CACNA2D1: variants seen among roughly 807,000 people sequenced by gnomAD.
CACNA2D1 encodes calcium voltage-gated channel auxiliary subunit alpha2delta 1.
A neutral mutation model predicts 171.5 loss-of-function variants in CACNA2D1; 53 were observed. That is an observed-to-expected ratio of 0.31 (90% CI 0.25 to 0.39). The LOEUF is 0.39. CACNA2D1 is among the 10% of genes least tolerant of loss of function. The pLI, the probability that CACNA2D1 is intolerant of heterozygous loss-of-function variation, is 1.00. For missense variants in CACNA2D1, 903 were observed against 1,299.8 expected (o/e 0.69, Z 4.69); for synonymous variants, 442 against 443.1 (o/e 1.00, Z 0.03).
chr7:82,092,436 A>G (rs982942748), intron 6 of CACNA2D1, among the ~76,000 whole-genome samples: 1 of 151,936 alleles, frequency 6.6e-6, no homozygotes, highest in Non-Finnish European at 1.5e-5. Context: ...CGGTGGCACA[A>G]TCTAGGCTCA....
chr7:82,423,282 TTA>T (rs1464476000), intron 1 of CACNA2D1, among the ~76,000 whole-genome samples: 1 of 152,154 alleles, frequency 6.6e-6, no homozygotes, highest in Admixed American at 6.5e-5. Context: ...ATTAATGTTT[TTA>T]TCTTCATTCT....
intron 12 of CACNA2D1, chr7:82,029,003 T>G (rs1240708460): frequency 6.6e-6 from 1 of 151,846 alleles, no homozygotes; most frequent in Non-Finnish European, 1.5e-5. Context: ...AAAAGTTCTG[T>G]GTGGGTAAAA....
At chr7:82,418,969 G>T (rs1270176543) in intron 1 of CACNA2D1, among the ~76,000 whole-genome samples, 1 of 152,034 alleles carries the variant, frequency 6.6e-6, no homozygotes, top group Non-Finnish European at 1.5e-5. Context: ...AATTAGCTGG[G>T]CGCGGTGGCG....
chr7:82,388,486 A>G (rs1018780410), intron 1 of CACNA2D1, among the ~76,000 whole-genome samples: 2 of 152,208 alleles, frequency 1.3e-5, no homozygotes, highest in African/African-American at 2.4e-5. Flanking sequence ...AAGATCCAGG[A>G]AGGTCATAGT....
chr7:82,167,477 T>C (rs891341873), intron 4 of CACNA2D1, among the ~76,000 whole-genome samples: 1 of 152,092 alleles, frequency 6.6e-6, no homozygotes, highest in Non-Finnish European at 1.5e-5. Flanking sequence ...ATTATTTTTG[T>C]ACTTTTTACT....
At chr7:82,012,698 T>G in intron 14 of CACNA2D1, among the ~76,000 whole-genome samples, 1 of 152,070 alleles carries the variant, frequency 6.6e-6, no homozygotes, top group East Asian at 1.9e-4. Flanking sequence ...CATCAAAAAA[T>G]AAAGGAAATA....
chr7:82,406,462 C>A (rs1303982656), intron 1 of CACNA2D1, among the ~76,000 whole-genome samples: 1 of 152,176 alleles, frequency 6.6e-6, no homozygotes, highest in Non-Finnish European at 1.5e-5. Context: ...CCTGAGGAAT[C>A]GCCACACTGT....
chr7:82,051,472 T>G (rs942504014), intron 10 of CACNA2D1, among the ~76,000 whole-genome samples: 1 of 152,016 alleles, frequency 6.6e-6, no homozygotes, highest in African/African-American at 2.4e-5. Flanking sequence ...TTGATTATTT[T>G]TTTTTCTGGT....
intron 3 of CACNA2D1, among the ~76,000 whole-genome samples, chr7:82,258,996 T>C (rs1806715595): frequency 1.3e-5 from 2 of 152,032 alleles, no homozygotes; most frequent in Admixed American, 6.6e-5. Context: ...GCCTGACTAA[T>C]TTTTGTATTT....
chr7:82,166,566 G>C (rs1196767533), intron 4 of CACNA2D1, among the ~76,000 whole-genome samples: 1 of 152,020 alleles, frequency 6.6e-6, no homozygotes, highest in East Asian at 1.9e-4. Context: ...GATTTGAAAT[G>C]CAATTGGAAA....
intron 3 of CACNA2D1, among the ~76,000 whole-genome samples, chr7:82,251,113 C>T (rs1251322833): frequency 6.6e-6 from 1 of 152,054 alleles, no homozygotes; most frequent in East Asian, 1.9e-4. Context: ...ATGCTGTTCT[C>T]ATACTCTCCT....
chr7:82,145,556 C>T (rs1161147099), intron 4 of CACNA2D1, among the ~76,000 whole-genome samples: 5 of 129,652 alleles, frequency 3.9e-5, no homozygotes, highest in African/African-American at 5.7e-5. Context: ...TATATATGTG[C>T]GTATATATAA....
intron 3 of CACNA2D1, among the ~76,000 whole-genome samples, chr7:82,299,227 T>C (rs185094372): frequency 6.6e-6 from 1 of 152,220 alleles, no homozygotes; most frequent in East Asian, 1.9e-4. Flanking sequence ...TTATTCTCAG[T>C]AGGTTTTTTT....
intron 1 of CACNA2D1, among the ~76,000 whole-genome samples, chr7:82,432,940 C>T (rs1164774616): frequency 6.6e-6 from 1 of 152,176 alleles, no homozygotes; most frequent in African/African-American, 2.4e-5. Context: ...AATCCTAGCA[C>T]TTTGGGAGGC....
chr7:82,437,584 A>T (rs1830200529), intron 1 of CACNA2D1, among the ~76,000 whole-genome samples: 1 of 152,188 alleles, frequency 6.6e-6, no homozygotes, highest in Admixed American at 6.5e-5. Context: ...GAGAACTTCA[A>T]ATATTGCTTT....
intron 1 of CACNA2D1, among the ~76,000 whole-genome samples, chr7:82,413,094 T>C (rs1827839287): frequency 6.6e-6 from 1 of 152,170 alleles, no homozygotes; most frequent in Non-Finnish European, 1.5e-5. Context: ...TTTCTATGTT[T>C]TCATGTCGAA....
chr7:82,433,083 G>A (rs976144312), intron 1 of CACNA2D1, among the ~76,000 whole-genome samples: 2 of 151,744 alleles, frequency 1.3e-5, no homozygotes, highest in Non-Finnish European at 2.9e-5. Flanking sequence ...AGCTACTCAG[G>A]AGGCTGAGAC....
chr7:82,083,467 C>T (rs1206197359), intron 7 of CACNA2D1, among the ~76,000 whole-genome samples: 2 of 151,656 alleles, frequency 1.3e-5, no homozygotes, highest in Middle Eastern at 3.5e-3. Flanking sequence ...AATTTTAAGT[C>T]TTCTGATAAT....
At chr7:82,409,519 T>C in intron 1 of CACNA2D1, among the ~76,000 whole-genome samples, 1 of 152,190 alleles carries the variant, frequency 6.6e-6, no homozygotes, top group Non-Finnish European at 1.5e-5. Flanking sequence ...CAACTTTGGC[T>C]ACACACTAAA....
Sources: gnomAD v4.1 joint callset for allele counts (sites outside exome capture counted in the v4.1 genomes callset) on GRCh38, gnomAD v4.1.1 for gene constraint, MANE v1.5 for transcripts, NCBI Gene and HGNC (gene_info 2026-07-23, HGNC 2026-07-21) for gene names.